The following NAA35 variants were observed in gnomAD, a reference collection of about 807,000 sequenced individuals.
The protein encoded by NAA35 is N-alpha-acetyltransferase 35, NatC auxiliary subunit.
Under a neutral mutation model 101.7 loss-of-function variants are expected in NAA35, and 18 were observed. That is an observed-to-expected ratio of 0.18 (90% CI 0.12 to 0.26). The LOEUF is 0.26. Ranked by LOEUF, NAA35 falls within the 10% of genes least tolerant of loss-of-function variation. The pLI is 1.00. For missense variants in NAA35, 601 were observed against 886.8 expected (o/e 0.68, Z 4.09); for synonymous variants, 267 against 273.1 (o/e 0.98, Z 0.22).
chr9:86,016,817 C>A lies in NAA35; in HGVS notation c.1705+142C>A, dbSNP rs145803790. 1.0e-3 allele frequency: 790 copies of A among 755,856 alleles called. 18 individuals carry two copies. The East Asian group carries it at 0.022, about 21-fold the overall frequency. 46.8% of individuals were successfully genotyped at this position (755,856 alleles called of 1,614,324 possible). The stretch of plus-strand genomic sequence containing the variant: ...GAAACTATAAGGTAGAGACTGAGTC[C>A]CAGTATCAATGACATAAGCTTTTTG... On this transcript the variant is annotated intron_variant, in intron 18 of 22. Transcript: ENST00000361671.
chr9:86,014,410 C>T (rs1367465818), intron 17 of NAA35: 1 of 958,444 alleles, frequency 1.0e-6, no homozygotes, highest in African/African-American at 1.8e-5. Context: ...CAAAATAAAC[C>T]TAGTAAGAGG....
intron 3 of NAA35, among the ~76,000 whole-genome samples, chr9:85,957,944 CTTT>C (rs1227768818): frequency 2.1e-5 from 3 of 141,388 alleles, no homozygotes; most frequent in Admixed American, 7.1e-5. Context: ...TATATATTTT[CTTT>C]TTTTTTTTTT....
intron 16 of NAA35, among the ~76,000 whole-genome samples, 181 bp downstream of exon 16, chr9:86,013,325 C>G (rs1832042470): frequency 6.6e-6 from 1 of 152,104 alleles, no homozygotes; most frequent in African/African-American, 2.4e-5. Context: ...ATAATCCAAA[C>G]TGATAGATAT....
At chr9:86,018,572 C>G in intron 20 of NAA35, 127 bp from the exon 21 acceptor site, 1 of 1,345,700 alleles carries the variant, frequency 7.4e-7, no homozygotes, top group South Asian at 1.4e-5. Context: ...GGGAGATGTG[C>G]TGAATGTTTG....
At chr9:86,007,212 TG>T in intron 13 of NAA35, 145 bp from the exon 14 acceptor site, 1 of 483,620 alleles carries the variant, frequency 2.1e-6, no homozygotes, top group Non-Finnish European at 3.7e-6. Context: ...ACACTCATTG[TG>T]GAGACAGCAA....
At position 85,993,195 on chromosome 9, in the gene NAA35, C is replaced by T. The variant is rs57339958; in HGVS notation, c.878-3204C>T. 8.0e-3 allele frequency among the ~76,000 whole-genome samples: 1,218 copies of T among 152,246 alleles called. 19 individuals carry two copies. The highest frequency in any genetic ancestry group is 0.027 in the African/African-American group (1,142 of 41,538). On this transcript the variant is annotated intron_variant, in intron 11 of 22. Transcript: ENST00000361671. ...GGAAAGGCTAATCTTGTTTTTGAGA[C>T]CGAGTTTCACTCTGTCACCCAGACT...
chr9:85,974,803 C>G (rs1228886261), intron 6 of NAA35, among the ~76,000 whole-genome samples, 164 bp from the exon 7 acceptor site: 2 of 152,102 alleles, frequency 1.3e-5, no homozygotes, highest in Non-Finnish European at 2.9e-5. Context: ...TCAAGAAAAG[C>G]TTGTGTGTAT....
chr9:85,973,230 C>A (rs770680012), intron 6 of NAA35, among the ~76,000 whole-genome samples: 1 of 152,086 alleles, frequency 6.6e-6, no homozygotes, highest in African/African-American at 2.4e-5. Flanking sequence ...CGAGGGAGAC[C>A]GGGCCATGTG....
intron 11 of NAA35, among the ~76,000 whole-genome samples, chr9:85,990,905 A>G (rs1407178387): frequency 4.6e-5 from 7 of 152,196 alleles, no homozygotes; most frequent in Non-Finnish European, 5.9e-5. Context: ...GTAGAATGGT[A>G]GTGGAATGGG....
chr9:86,020,865 A>C, intron 21 of NAA35, 24 bp from the exon 22 acceptor site: 1 of 1,554,338 alleles, frequency 6.4e-7, no homozygotes, highest in Non-Finnish European at 8.8e-7. Context: ...TTAATGTTTC[A>C]GTAGTTTTAT....
intron 2 of NAA35, among the ~76,000 whole-genome samples, chr9:85,954,130 G>T (rs957483201): frequency 1.3e-5 from 2 of 152,130 alleles, no homozygotes; most frequent in African/African-American, 4.8e-5. Context: ...ACCCAGGCCG[G>T]AGTTCAGTGG....
At chr9:86,009,125 A>G (rs1338946983) in intron 14 of NAA35, among the ~76,000 whole-genome samples, 5 of 152,256 alleles carry the variant, frequency 3.3e-5, no homozygotes, top group African/African-American at 1.2e-4. Flanking sequence ...CTTCTACTGA[A>G]TTTTTAAATT....
At chr9:86,017,267 G>A (rs1033151258) in intron 18 of NAA35, among the ~76,000 whole-genome samples, 2 of 152,188 alleles carry the variant, frequency 1.3e-5, no homozygotes, top group Admixed American at 1.3e-4. Context: ...ATTCAGAAAA[G>A]TTATAATTAC....
intron 6 of NAA35, among the ~76,000 whole-genome samples, chr9:85,962,998 G>A (rs577638900): frequency 9.9e-5 from 15 of 152,052 alleles, no homozygotes; most frequent in Non-Finnish European, 2.1e-4. Context: ...ATAATTTTCA[G>A]GGAATTGCAT....
chr9:85,945,818 C>T (rs1828738733), intron 2 of NAA35, among the ~76,000 whole-genome samples: 1 of 152,020 alleles, frequency 6.6e-6, no homozygotes, highest in African/African-American at 2.4e-5. Flanking sequence ...TGTGCCCAGC[C>T]TGACTCTGGT....
At chr9:86,009,996 G>A (rs931004510) in intron 15 of NAA35, 65 bp downstream of exon 15, 10 of 1,339,036 alleles carry the variant, frequency 7.5e-6, no homozygotes, top group East Asian at 6.9e-5. Flanking sequence ...GGCCGGGCAC[G>A]GTGGCTCACT....
At chr9:85,957,408 T>C (rs1264255847) in intron 3 of NAA35, among the ~76,000 whole-genome samples, 5 of 152,148 alleles carry the variant, frequency 3.3e-5, no homozygotes, top group East Asian at 1.9e-4. Context: ...AAAACCTTTG[T>C]CTAGGTGGAC....
At chr9:85,997,871 A>G (rs1174356116) in intron 12 of NAA35, among the ~76,000 whole-genome samples, 18 of 152,122 alleles carry the variant, frequency 1.2e-4, no homozygotes. Context: ...ATACACATAC[A>G]TACATACATA....
At chr9:85,962,273 C>G (rs568310858) in intron 6 of NAA35, 93 bp downstream of exon 6, 3 of 1,216,652 alleles carry the variant, frequency 2.5e-6, no homozygotes, top group Non-Finnish European at 3.4e-6. Flanking sequence ...GGCAGATCAC[C>G]TGAGGTCAGG....
Sources: gnomAD v4.1 joint callset for allele counts (sites outside exome capture counted in the v4.1 genomes callset) on GRCh38, gnomAD v4.1.1 for gene constraint, MANE v1.5 for transcripts, NCBI Gene and HGNC (gene_info 2026-07-23, HGNC 2026-07-21) for gene names.